The following MLKL variants were observed in gnomAD, a reference collection of about 807,000 sequenced individuals.
MLKL encodes the protein mixed lineage kinase domain like pseudokinase, also known as mixed lineage kinase domain-like protein.
A neutral mutation model predicts 56.5 loss-of-function variants in MLKL; 55 were observed. The observed-to-expected ratio is 0.97, with a 90% CI of 0.78 to 1.22. MLKL has a LOEUF of 1.22. MLKL is among the 50% of genes most tolerant of loss of function. The pLI, the probability that MLKL is intolerant of heterozygous loss-of-function variation, is 0.00. For missense variants in MLKL, 694 were observed against 573.9 expected (o/e 1.21, Z -2.14); for synonymous variants, 251 against 208.3 (o/e 1.20, Z -1.76).
chr16:74,692,246 G>A, intron 3 of MLKL, 96 bp downstream of exon 3: 1 of 1,123,514 alleles, frequency 8.9e-7, no homozygotes, highest in South Asian at 1.4e-5. Context: ...CACAGAAAAT[G>A]GACAAATGCA....
chr16:74,678,644 G>C (rs188835228), intron 7 of MLKL, among the ~76,000 whole-genome samples: 7 of 152,282 alleles, frequency 4.6e-5, no homozygotes, highest in Admixed American at 2.6e-4. Flanking sequence ...TTAGTCAGGA[G>C]TGGTGGTGCA....
chr16:74,690,356 C>A (rs1960589509), intron 4 of MLKL, among the ~76,000 whole-genome samples: 1 of 152,154 alleles, frequency 6.6e-6, no homozygotes, highest in African/African-American at 2.4e-5. Flanking sequence ...ACTTAATATA[C>A]ACATATCCCA....
chr16:74,699,921 A>T (rs1961279290), intron 1 of MLKL, among the ~76,000 whole-genome samples: 1 of 152,166 alleles, frequency 6.6e-6, no homozygotes, highest in African/African-American at 2.4e-5. Flanking sequence ...CAGCCTGGGC[A>T]ACAGAGGAAG....
At chr16:74,681,569 G>C (rs1246891781) in intron 6 of MLKL, among the ~76,000 whole-genome samples, 1 of 151,798 alleles carries the variant, frequency 6.6e-6, no homozygotes, top group Non-Finnish European at 1.5e-5. Context: ...CGAGACAGGT[G>C]GATCATGAGG....
intron 6 of MLKL, among the ~76,000 whole-genome samples, chr16:74,680,225 G>A (rs1959859857): frequency 6.6e-6 from 1 of 152,176 alleles, no homozygotes; most frequent in African/African-American, 2.4e-5. Flanking sequence ...AATAGAGCTG[G>A]TAAAAAGGAT....
chr16:74,687,168 G>T (rs1327550437), intron 4 of MLKL, among the ~76,000 whole-genome samples: 1 of 151,920 alleles, frequency 6.6e-6, no homozygotes. Flanking sequence ...TAGAGGCGGG[G>T]TTTCACCATG....
intron 6 of MLKL, among the ~76,000 whole-genome samples, chr16:74,680,846 C>G (rs1040359072): frequency 6.6e-6 from 1 of 152,044 alleles, no homozygotes; most frequent in Non-Finnish European, 1.5e-5. Context: ...TCTCCAATAT[C>G]TCCATTGTAC....
At chr16:74,692,729 G>A (rs571975850) in intron 2 of MLKL, among the ~76,000 whole-genome samples, 9 of 152,248 alleles carry the variant, frequency 5.9e-5, no homozygotes, top group Non-Finnish European at 8.8e-5. Context: ...GAAAGTTTGC[G>A]TCAACGCAGA....
intron 4 of MLKL, among the ~76,000 whole-genome samples, chr16:74,688,002 T>G (rs1960438988): frequency 6.6e-6 from 1 of 152,050 alleles, no homozygotes; most frequent in South Asian, 2.1e-4. Flanking sequence ...ATTTTTTGTA[T>G]TTTTAGTAGA....
chr16:74,681,109 C>T (rs1959938437), intron 6 of MLKL, among the ~76,000 whole-genome samples: 2 of 152,150 alleles, frequency 1.3e-5, no homozygotes, highest in African/African-American at 4.8e-5. Flanking sequence ...ATTGAAACCT[C>T]CGCCTCCTGG....
At position 74,672,026 on chromosome 16, in the gene MLKL, G is replaced by A. The variant is rs1486853646; in HGVS notation, c.*478C>T. ...CTAGGAAAGCATGTTTCTGCTTCAT[G>A]TGGTCTCTCATTCTCCAGCATGCTC... On this transcript the variant is annotated 3_prime_UTR_variant, in exon 11 of 11. Transcript: ENST00000308807. 1.3e-5 allele frequency: 2 copies of A among 153,142 alleles called. No homozygotes were observed. Among genetic ancestry groups the A allele is most frequent in the African/African-American group, 4.8e-5 (2 of 41,444 alleles). The allele number at this position is 153,142 out of a possible 1,614,324, so 9.5% of individuals were successfully genotyped here.
Position 74,691,289 on chromosome 16 carries a change from G to A in MLKL, c.710C>T (p.Ala237Val), listed in dbSNP as rs756812874. The change falls in exon 4 of 11, where the codon GCT becomes GTT. Residue 237 changes from alanine (A) to valine (V), a missense_variant. Physicochemically the swap from Ala to Val is moderately conservative, Grantham distance 64. Transcript: ENST00000308807. ...CAAAACAACTTACGCAATGCTGCCAGCCTGGAGTTTTTTGAATACTTTTAT... is the reference window on the plus strand; with the variant it reads ...CAAAACAACTTACGCAATGCTGCCAACCTGGAGTTTTTTGAATACTTTTAT... Reference protein sequence around the residue: ...VAIKVFKKLQAGSIAIVRQTF... With the variant: ...VAIKVFKKLQVGSIAIVRQTF... 1.2e-6 allele frequency: 2 copies of A among 1,611,250 alleles called. No individual in the cohort carries two copies. Among genetic ancestry groups the A allele is most frequent in the South Asian group, 1.1e-5 (1 of 90,770 alleles).
At chr16:74,683,786 G>A (rs1235766629) in intron 5 of MLKL, among the ~76,000 whole-genome samples, 1 of 152,048 alleles carries the variant, frequency 6.6e-6, no homozygotes, top group Non-Finnish European at 1.5e-5. Flanking sequence ...ATCTGTGTGG[G>A]AGGAATGAGT....
intron 2 of MLKL, among the ~76,000 whole-genome samples, chr16:74,693,287 G>A (rs1960786279): frequency 6.6e-6 from 1 of 151,828 alleles, no homozygotes; most frequent in Non-Finnish European, 1.5e-5. Flanking sequence ...AGTAGAGATA[G>A]TGAAACCCCG....
At chr16:74,695,182 A>T (rs1960951653) in intron 2 of MLKL, 116 bp downstream of exon 2, 1 of 1,124,782 alleles carries the variant, frequency 8.9e-7, no homozygotes, top group East Asian at 2.4e-5. Flanking sequence ...AGGAGTTTTG[A>T]GGTACAAGTA....
At chr16:74,677,684 C>T (rs964077616) in intron 7 of MLKL, 1 of 151,118 alleles carries the variant, frequency 6.6e-6, no homozygotes, top group African/African-American at 2.4e-5. Context: ...TTTCTTTTTT[C>T]TTTTTTTTTG....
Position 74,675,373 on chromosome 16 carries a change from C to A in MLKL, c.1222G>T (p.Gly408Ter). 1 of 1,614,130 alleles carries A rather than the reference C, an allele frequency of 6.2e-7. No homozygotes were observed. The highest frequency in any genetic ancestry group is 2.2e-5 in the East Asian group (1 of 44,884). Residue 408 changes from glycine to a stop codon, truncating the protein, a stop_gained, in exon 9 of 11, where the codon GGA (glycine) becomes TGA (stop). Coordinates refer to ENST00000308807, the MANE Select transcript of MLKL (RefSeq NM_152649.4). LOFTEE classifies it high-confidence loss of function. ...FGIVLWEIAT[G>*]DIPFQGCNSE... Reference sequence around the variant, plus strand: ...TCTTCACCTTGAAACGGGATATCTCCAGTGGCGATTTCCCAGAGGACGATT... The same window carrying A: ...TCTTCACCTTGAAACGGGATATCTCAAGTGGCGATTTCCCAGAGGACGATT...
At chr16:74,693,677 A>G (rs952425574) in intron 2 of MLKL, among the ~76,000 whole-genome samples, 3 of 145,448 alleles carry the variant, frequency 2.1e-5, no homozygotes, top group Non-Finnish European at 4.5e-5. Context: ...ATCTCAGCTC[A>G]CTGCAGGCTC....
At chr16:74,676,003 CAG>C (rs1010620588) in intron 7 of MLKL, 5 of 510,990 alleles carry the variant, frequency 9.8e-6, no homozygotes, top group African/African-American at 7.7e-5. Flanking sequence ...GGGGCGATGA[CAG>C]GGGGGATTAC....
Sources: allele counts gnomAD v4.1 joint callset (sites outside exome capture counted in the v4.1 genomes callset), GRCh38; gene constraint gnomAD v4.1.1; transcripts MANE v1.5; gene names NCBI Gene and HGNC (gene_info 2026-07-23, HGNC 2026-07-21).